Variants in CSMD1 observed in about 807,000 individuals in gnomAD.
The protein encoded by CSMD1 is CUB and Sushi multiple domains 1.
In CSMD1, 213 loss-of-function variants were observed where a neutral mutation model predicts 417.5. The observed-to-expected ratio is 0.51, with a 90% CI of 0.46 to 0.57. The LOEUF (loss-of-function observed/expected upper bound fraction) is 0.57, where lower values mean the gene tolerates loss of function less well. Ranked by LOEUF, CSMD1 falls within the 20% of genes least tolerant of loss-of-function variation. The pLI, the probability that CSMD1 is intolerant of heterozygous loss-of-function variation, is 0.00. For missense variants in CSMD1, 6,923 were observed against 4,529.7 expected, an observed-to-expected ratio of 1.53 and a Z score of -15.17; for synonymous variants, 2,862 against 1,736.8, an observed-to-expected ratio of 1.65 and a Z score of -16.11.
At chr8:4,189,897 C>G (rs2131209837) in intron 3 of CSMD1, among the ~76,000 whole-genome samples, 1 of 151,976 alleles carries the variant, frequency 6.6e-6, no homozygotes, top group Middle Eastern at 3.4e-3. Flanking sequence ...ATTTCTAAGC[C>G]ATTGAAAATC....
Position 3,777,231 on chromosome 8 carries a change from T to G in CSMD1, c.819-23189A>C, listed in dbSNP as rs57818964. Among the ~76,000 whole-genome samples the G allele has an allele frequency of 3.8e-3, 576 of 151,918 alleles. 8 individuals are homozygous for G. The highest frequency in any genetic ancestry group is 0.013 in the African/African-American group (543 of 41,444). ...AAAATCTGCCTTCTCCTATAGAACA[T>G]GAGCTCCTTAAGGGCAGGGGTTTGT... On this transcript the variant is annotated intron_variant, in intron 5 of 69. Transcript: ENST00000635120.
intron 6 of CSMD1, among the ~76,000 whole-genome samples, chr8:3,725,785 C>T (rs1802455651): frequency 6.6e-6 from 1 of 152,116 alleles, no homozygotes; most frequent in Admixed American, 6.5e-5. Flanking sequence ...CACGTGAAAA[C>T]CATTGATCTA....
At chr8:4,444,613 T>C (rs1431960036) in intron 2 of CSMD1, among the ~76,000 whole-genome samples, 1 of 152,088 alleles carries the variant, frequency 6.6e-6, no homozygotes, top group Non-Finnish European at 1.5e-5. Context: ...GCACAAGGGA[T>C]AGATGCCATC....
intron 5 of CSMD1, among the ~76,000 whole-genome samples, chr8:3,788,473 G>A (rs920129681): frequency 2.0e-5 from 3 of 152,040 alleles, no homozygotes; most frequent in African/African-American, 7.2e-5. Context: ...AATAGAACTG[G>A]GGAATTCTTT....
intron 42 of CSMD1, among the ~76,000 whole-genome samples, chr8:3,111,365 T>C (rs952481176): frequency 8.7e-6 from 1 of 114,494 alleles, no homozygotes; most frequent in Non-Finnish European, 2.1e-5. Flanking sequence ...AAGAAGGGAC[T>C]GTATGTAGAG....
At chr8:4,921,049 A>G (rs981606630) in intron 1 of CSMD1, among the ~76,000 whole-genome samples, 1 of 150,794 alleles carries the variant, frequency 6.6e-6, no homozygotes, top group South Asian at 2.1e-4. Context: ...AGGAAGAAAG[A>G]AAAGAGAAAG....
rs145055189 is a variant in CSMD1 at position 2,960,472 on chromosome 8, A to C, written c.9702+669T>G. ...TTTCAAAGTCATCCAACCAGATAAC[A>C]GTGAAGTTATGGGAGTACTTAAGAT... On this transcript the variant is annotated intron_variant, in intron 62 of 69. Transcript: ENST00000635120. Among the ~76,000 whole-genome samples the C allele has an allele frequency of 4.9e-4, 75 of 152,352 alleles. No individual in the cohort carries two copies. In the East Asian group the frequency reaches 0.012, roughly 24 times the overall value.
At chr8:4,484,633 G>A (rs1362593173) in intron 2 of CSMD1, among the ~76,000 whole-genome samples, 1 of 152,060 alleles carries the variant, frequency 6.6e-6, no homozygotes, top group Non-Finnish European at 1.5e-5. Flanking sequence ...GAGGGAAAGT[G>A]AGACACATCT....
chr8:3,326,978 A>G (rs537076153), intron 23 of CSMD1, among the ~76,000 whole-genome samples: 1 of 151,928 alleles, frequency 6.6e-6, no homozygotes, highest in Admixed American at 6.6e-5. Flanking sequence ...GGAGCTCAAG[A>G]CCTGCCTGGG....
Position 3,684,429 on chromosome 8 carries a change from C to T in CSMD1, c.1009+23985G>A, listed in dbSNP as rs776849007. Among the ~76,000 whole-genome samples the T allele has an allele frequency of 1.3e-4, 19 of 149,558 alleles. 1 individual carries two copies. Among genetic ancestry groups the T allele is most frequent in the Non-Finnish European group, 2.5e-4 (17 of 67,602 alleles). ...ATACAAAATATATTTTTTTCATCTGCATGACTCATAGTACTTAACAATTTT... is the reference window on the plus strand; with the variant it reads ...ATACAAAATATATTTTTTTCATCTGTATGACTCATAGTACTTAACAATTTT... On this transcript the variant is annotated intron_variant, in intron 7 of 69. Coordinates refer to ENST00000635120, the MANE Select transcript of CSMD1 (RefSeq NM_033225.6).
chr8:3,957,198 A>G (rs11991412), intron 5 of CSMD1, among the ~76,000 whole-genome samples: 1 of 152,124 alleles, frequency 6.6e-6, no homozygotes, highest in Non-Finnish European at 1.5e-5. Context: ...GAACTAAAAC[A>G]TTTCTCAAAA....
intron 2 of CSMD1, among the ~76,000 whole-genome samples, chr8:4,592,449 T>C (rs1480649302): frequency 6.6e-6 from 1 of 152,008 alleles, no homozygotes; most frequent in Non-Finnish European, 1.5e-5. Context: ...TGCAGTGGCA[T>C]GACCTTGACT....
At chr8:3,114,503 A>G (rs1816735147) in intron 42 of CSMD1, among the ~76,000 whole-genome samples, 1 of 151,276 alleles carries the variant, frequency 6.6e-6, no homozygotes, top group African/African-American at 2.4e-5. Context: ...AGATACTGAA[A>G]GTTTAATCTC....
chr8:4,342,691 C>G (rs1019668486), intron 3 of CSMD1, among the ~76,000 whole-genome samples: 4 of 152,026 alleles, frequency 2.6e-5, no homozygotes, highest in African/African-American at 7.2e-5. Flanking sequence ...AGCGATAGAG[C>G]CAATGATTCC....
chr8:2,971,739 T>A (rs1804475508), intron 57 of CSMD1, among the ~76,000 whole-genome samples: 1 of 152,208 alleles, frequency 6.6e-6, no homozygotes, highest in African/African-American at 2.4e-5. Context: ...TGCATTTGAT[T>A]AACAAATTTA....
At chr8:4,107,440 G>C (rs536045634) in intron 3 of CSMD1, among the ~76,000 whole-genome samples, 1 of 152,148 alleles carries the variant, frequency 6.6e-6, no homozygotes, top group Non-Finnish European at 1.5e-5. Flanking sequence ...ACATTGGTAC[G>C]GATTTGTTTA....
chr8:4,777,406 G>C (rs1026891439), intron 1 of CSMD1, among the ~76,000 whole-genome samples: 6 of 152,178 alleles, frequency 3.9e-5, no homozygotes, highest in African/African-American at 7.2e-5. Context: ...GTCTCAGGGG[G>C]ACATCTCAAA....
chr8:4,180,964 C>T (rs4083036), intron 3 of CSMD1, among the ~76,000 whole-genome samples: 10,007 of 152,086 alleles, frequency 0.066, 411 homozygotes, highest in Middle Eastern at 0.15. Context: ...GGGGATGATG[C>T]TGTGATAATG....
intron 3 of CSMD1, among the ~76,000 whole-genome samples, chr8:4,258,710 G>C (rs1401922389): frequency 1.3e-5 from 2 of 151,930 alleles, no homozygotes; most frequent in African/African-American, 4.8e-5. Flanking sequence ...CATCACACTG[G>C]GATGAGGGGT....
Sources: gnomAD v4.1 joint callset for allele counts (sites outside exome capture counted in the v4.1 genomes callset) on GRCh38, gnomAD v4.1.1 for gene constraint, MANE v1.5 for transcripts, NCBI Gene and HGNC (gene_info 2026-07-23, HGNC 2026-07-21) for gene names.